UST: variants seen among roughly 807,000 people sequenced by gnomAD.
The protein encoded by UST is uronyl 2-sulfotransferase, also known as chondroitin sulfate 2-O-sulfotransferase.
UST carries 21 observed loss-of-function variants against 45.6 expected under a neutral mutation model. The observed-to-expected ratio is 0.46, with a 90% confidence interval of 0.33 to 0.66. The LOEUF is 0.66. Ranked by LOEUF, UST falls within the 30% of genes least tolerant of loss-of-function variation. The probability of loss-of-function intolerance (pLI) is 0.02; values close to 1 mark genes in which losing one functional copy is unlikely to be tolerated. For missense variants in UST, 463 were observed against 512.4 expected (o/e 0.90, Z 0.93); for synonymous variants, 215 against 200.6 (o/e 1.07, Z -0.61).
chr6:149,002,646 A>G (rs564919079), intron 5 of UST, among the ~76,000 whole-genome samples: 1 of 152,236 alleles, frequency 6.6e-6, no homozygotes, highest in Non-Finnish European at 1.5e-5. Context: ...AGCTGGGACT[A>G]CAGGCACAGA....
chr6:149,020,754 G>C (rs1775965072), intron 6 of UST, among the ~76,000 whole-genome samples: 1 of 152,106 alleles, frequency 6.6e-6, no homozygotes, highest in Admixed American at 6.6e-5. Context: ...CTACAAATCA[G>C]CTCTCTGATT....
intron 1 of UST, among the ~76,000 whole-genome samples, chr6:148,871,388 G>A (rs1418713220): frequency 3.3e-5 from 5 of 152,074 alleles, no homozygotes; most frequent in Non-Finnish European, 7.4e-5. Flanking sequence ...ACAATGCCCA[G>A]CATAGAGATT....
At position 148,866,483 on chromosome 6, in the gene UST, T is replaced by C. The variant is rs550410744; in HGVS notation, c.248-20503T>C. ...GAGGGTTGTTTCCTCGTCTACAAGA[T>C]GCGAAAACAACATCCACCTGAAGAT... On this transcript the variant is annotated intron_variant, in intron 1 of 7. Transcript: ENST00000367463. Among the ~76,000 whole-genome samples, 157 of 152,270 alleles carry C rather than the reference T, an allele frequency of 1.0e-3. 1 individual carries two copies. The highest frequency in any genetic ancestry group is 3.6e-3 in the African/African-American group (150 of 41,544).
chr6:148,839,495 A>G (rs1353361892), intron 1 of UST, among the ~76,000 whole-genome samples: 2 of 152,226 alleles, frequency 1.3e-5, no homozygotes, highest in Non-Finnish European at 2.9e-5. Context: ...TTCAATCTGT[A>G]AAATAAATCT....
At chr6:148,868,810 C>G (rs1778495829) in intron 1 of UST, among the ~76,000 whole-genome samples, 1 of 152,172 alleles carries the variant, frequency 6.6e-6, no homozygotes. Flanking sequence ...TCTTTCAGCA[C>G]CAGACTGATG....
intron 3 of UST, among the ~76,000 whole-genome samples, chr6:148,947,635 T>G (rs1042830759): frequency 5.3e-5 from 8 of 152,242 alleles, no homozygotes; most frequent in African/African-American, 1.9e-4. Context: ...TGAAGATTTA[T>G]GAAGTGTTGT....
chr6:148,963,897 C>T (rs965105972), intron 4 of UST, among the ~76,000 whole-genome samples: 5 of 152,184 alleles, frequency 3.3e-5, no homozygotes, highest in Non-Finnish European at 7.3e-5. Flanking sequence ...GGCTGTTATT[C>T]ACTCCCTTAC....
chr6:148,901,910 C>G (rs1024778954), intron 2 of UST, among the ~76,000 whole-genome samples: 2 of 152,080 alleles, frequency 1.3e-5, no homozygotes, highest in African/African-American at 4.8e-5. Context: ...GTCGCAAGGC[C>G]CCACTTAACT....
intron 3 of UST, among the ~76,000 whole-genome samples, chr6:148,946,586 C>T (rs1463196120): frequency 7.1e-5 from 10 of 140,382 alleles, no homozygotes; most frequent in African/African-American, 1.6e-4. Flanking sequence ...CTGAGGCGGG[C>T]GGATCACGAG....
intron 1 of UST, among the ~76,000 whole-genome samples, chr6:148,788,141 C>T (rs886130196): frequency 2.6e-5 from 4 of 152,054 alleles, no homozygotes; most frequent in African/African-American, 9.7e-5. Context: ...GAGAGCCAAG[C>T]GAAACGGGTT....
intron 2 of UST, among the ~76,000 whole-genome samples, chr6:148,899,711 T>C (rs1779210997): frequency 6.6e-6 from 1 of 152,264 alleles, no homozygotes; most frequent in Non-Finnish European, 1.5e-5. Context: ...AAAGTGCTTG[T>C]TGAAAAACAG....
In UST at chr6:148,919,319, T is replaced by C. The variant is rs147481510; in HGVS notation, c.292-21960T>C. On this transcript the variant is annotated intron_variant, in intron 2 of 7. Coordinates refer to ENST00000367463, the MANE Select transcript of UST (RefSeq NM_005715.3). ...AGCTCACAGCTGTAATAGTTCCTGC[T>C]CCCACTACCTGCTCCAGCCCAGCCA... Among the ~76,000 whole-genome samples, 666 of 152,264 alleles carry C rather than the reference T, an allele frequency of 4.4e-3. 5 individuals are homozygous for C. The highest frequency in any genetic ancestry group is 0.015 in the African/African-American group (630 of 41,558).
chr6:148,969,171 C>T (rs1019045311), intron 5 of UST, among the ~76,000 whole-genome samples: 2 of 152,214 alleles, frequency 1.3e-5, no homozygotes, highest in Non-Finnish European at 2.9e-5. Context: ...AATTTCCACT[C>T]TGTCCCAACC....
rs34342100 is a variant in UST at position 148,748,399 on chromosome 6, TTGTGTG to T, written c.247+771_247+776del. 0.095 allele frequency among the ~76,000 whole-genome samples: 12,043 copies of T among 127,332 alleles called. 630 individuals carry two copies. The highest frequency in any genetic ancestry group is 0.17 in the Admixed American group (2,282 of 13,102). 83.5% of individuals were successfully genotyped at this position (127,332 alleles called of 152,430 possible). A position where few individuals can be genotyped will look rare whatever the true frequency, so the allele number is the denominator to read the frequency against. ...GTGCGTCTCAAGCTCAAGTCAAAAC[TTGTGTG>T]TGTGTGTGTGTGTGTGTGTGTGTGT... On this transcript the variant is annotated intron_variant, in intron 1 of 7. Coordinates refer to ENST00000367463, the MANE Select transcript of UST (RefSeq NM_005715.3). The surrounding 1 kb of genome is among the most constrained non-coding windows in gnomAD (Gnocchi z 5.3).
intron 5 of UST, among the ~76,000 whole-genome samples, chr6:148,997,231 A>G (rs986484395): frequency 6.6e-6 from 1 of 152,270 alleles, no homozygotes; most frequent in African/African-American, 2.4e-5. Context: ...AAATACCAGC[A>G]TAATAAAGGG....
At chr6:149,008,907 A>G (rs975710097) in intron 5 of UST, among the ~76,000 whole-genome samples, 3 of 152,350 alleles carry the variant, frequency 2.0e-5, no homozygotes, top group East Asian at 3.9e-4. Context: ...AACGCTACCA[A>G]TGTCAGCACA....
intron 4 of UST, among the ~76,000 whole-genome samples, chr6:148,954,409 C>T (rs544787568): frequency 1.3e-5 from 2 of 152,270 alleles, no homozygotes; most frequent in South Asian, 2.1e-4. Flanking sequence ...TGCCACATCA[C>T]GACATTTTGG....
rs535032600 is a variant in UST, at chr6:148,990,308, GA to G, written c.681+25747del. 1.4e-5 allele frequency: 11 copies of G among 781,324 alleles called. No homozygotes were observed. The South Asian group carries it at 5.2e-4, about 37-fold the overall frequency. 48.4% of individuals were successfully genotyped at this position (781,324 alleles called of 1,614,324 possible). A position where few individuals can be genotyped will look rare whatever the true frequency, so the allele number is the denominator to read the frequency against. ...ATAAACAGGAACTGGTTTTATAATA[GA>G]AGTATTTGAAGACAAAGAATAAGAT... On this transcript the variant is annotated intron_variant, in intron 5 of 7. Coordinates refer to ENST00000367463, the MANE Select transcript of UST (RefSeq NM_005715.3).
intron 1 of UST, among the ~76,000 whole-genome samples, chr6:148,783,226 T>C (rs1343269349): frequency 6.6e-6 from 1 of 152,248 alleles, no homozygotes; most frequent in African/African-American, 2.4e-5. Flanking sequence ...GATATAAGTG[T>C]ATTATTGCAC....
Sources: gnomAD v4.1 joint callset for allele counts (sites outside exome capture counted in the v4.1 genomes callset) on GRCh38, gnomAD v4.1.1 for gene constraint, Gnocchi (gnomAD v3.1) non-coding constraint, MANE v1.5 for transcripts, NCBI Gene and HGNC (gene_info 2026-07-23, HGNC 2026-07-21) for gene names.